The following NPAS2 variants were observed in gnomAD, a reference collection of about 807,000 sequenced individuals.
NPAS2 encodes neuronal PAS domain protein 2, also known as neuronal PAS domain-containing protein 2.
A neutral mutation model predicts 107.5 loss-of-function variants in NPAS2; 23 were observed. The ratio of observed to expected loss-of-function variants is 0.21; its 90% CI spans 0.15 to 0.30. The LOEUF is 0.30. Ranked by LOEUF, NPAS2 falls within the 10% of genes least tolerant of loss-of-function variation. The probability of loss-of-function intolerance (pLI) is 1.00; values close to 1 mark genes in which losing one functional copy is unlikely to be tolerated. For missense variants in NPAS2, 756 were observed against 1,043.3 expected, an observed-to-expected ratio of 0.72 and a Z score of 3.79; for synonymous variants, 403 against 417.5, an observed-to-expected ratio of 0.97 and a Z score of 0.42.
Position 100,995,909 on chromosome 2 carries a change from AC to A in NPAS2, c.*329del. The A allele has an allele frequency of 7.0e-7, 1 of 1,431,774 alleles. No homozygotes were observed. Among genetic ancestry groups the A allele is most frequent in the South Asian group, 1.2e-5 (1 of 82,182 alleles). The allele number at this position is 1,431,774 out of a possible 1,614,324, so 88.7% of individuals were successfully genotyped here. ...ATCTCGCTGCATCCCCCGAGAGTAC[AC>A]CGGTTGCTCTAGCCACCTGCGGCCC... On this transcript the variant is annotated 3_prime_UTR_variant, in exon 21 of 21. Transcript: ENST00000335681.
chr2:100,949,531 G>A (rs1371343452), intron 7 of NPAS2, 51 bp downstream of exon 7: 7 of 1,044,328 alleles, frequency 6.7e-6, no homozygotes, highest in African/African-American at 1.6e-5. Context: ...TCATGCAAAC[G>A]TGCACATGGG....
chr2:100,901,965 A>G (rs1681813135), intron 1 of NPAS2, among the ~76,000 whole-genome samples: 1 of 151,696 alleles, frequency 6.6e-6, no homozygotes, highest in African/African-American at 2.4e-5. Flanking sequence ...TCCATTGTTC[A>G]CTCTGGGGGT....
At chr2:100,977,073 C>T (rs911610575) in intron 14 of NPAS2, 4 of 152,248 alleles carry the variant, frequency 2.6e-5, no homozygotes, top group Admixed American at 6.5e-5. Context: ...ACCACTAGCC[C>T]GTGAAGCAGA....
intron 3 of NPAS2, 45 bp downstream of exon 3, chr2:100,925,339 C>A: frequency 3.1e-6 from 5 of 1,594,334 alleles, no homozygotes; most frequent in Non-Finnish European, 4.3e-6. Flanking sequence ...CCTGCCCCGT[C>A]CATGTGGTGA....
At chr2:100,874,663 AC>A (rs1338562749) in intron 1 of NPAS2, among the ~76,000 whole-genome samples, 1 of 151,828 alleles carries the variant, frequency 6.6e-6, no homozygotes, top group Non-Finnish European at 1.5e-5. Flanking sequence ...AACCACTTGA[AC>A]CCGGGAGGCG....
At chr2:100,873,196 G>A (rs1329615793) in intron 1 of NPAS2, among the ~76,000 whole-genome samples, 2 of 142,522 alleles carry the variant, frequency 1.4e-5, no homozygotes, top group Non-Finnish European at 3.0e-5. Context: ...AGGTTGCAGC[G>A]AGCCAAGACT....
chr2:100,903,777 C>T (rs565881877), intron 1 of NPAS2, among the ~76,000 whole-genome samples: 53 of 152,136 alleles, frequency 3.5e-4, no homozygotes, highest in African/African-American at 1.0e-3. Flanking sequence ...TCATGAGTGC[C>T]CTGAGAACGG....
rs78079344 is a variant in NPAS2, at chr2:100,893,301, A to G, written c.-22-11432A>G. Reference sequence around the variant, plus strand: ...CTGGCTGGGAGGACAGAAGGTACACACTCTGTCAGCAATAAATAAACCCCC... The same window carrying G: ...CTGGCTGGGAGGACAGAAGGTACACGCTCTGTCAGCAATAAATAAACCCCC... On this transcript the variant is annotated intron_variant, in intron 1 of 20. Coordinates refer to ENST00000335681, the MANE Select transcript of NPAS2 (RefSeq NM_002518.4). Among the ~76,000 whole-genome samples, 938 of 152,218 alleles carry G rather than the reference A, an allele frequency of 6.2e-3. 56 individuals are homozygous for G. The East Asian group carries it at 0.14, about 23-fold the overall frequency.
intron 1 of NPAS2, among the ~76,000 whole-genome samples, chr2:100,902,406 G>A (rs1481760572): frequency 6.6e-6 from 1 of 152,220 alleles, no homozygotes; most frequent in Admixed American, 6.5e-5. Context: ...AGGAAGGAGA[G>A]TGTGACCCAT....
chr2:100,903,621 C>T (rs1021142246), intron 1 of NPAS2, among the ~76,000 whole-genome samples: 1 of 152,188 alleles, frequency 6.6e-6, no homozygotes, highest in African/African-American at 2.4e-5. Context: ...TTGGGAGTTC[C>T]GACTGAAGAC....
rs780297955 is a variant in NPAS2, at chr2:100,990,390, C to A, written c.1962C>A (p.Ser654=). 1.2e-6 allele frequency: 2 copies of A among 1,614,196 alleles called. No homozygotes were observed. ...ATCTGACCACACCTGCTTCCACCTC[C>A]CAGGATGCCAGCCAGTGCCAGCCCA... ...SLNLTTPAST[S]QDASQCQPSP... is the part of the protein sequence containing the mutation. The change falls in exon 18 of 21, where the codon TCC becomes TCA. Residue 654 remains serine (S), a synonymous_variant. Transcript: ENST00000335681.
chr2:100,948,202 G>C (rs772002786), intron 5 of NPAS2, 33 bp from the exon 6 acceptor site: 1 of 1,607,586 alleles, frequency 6.2e-7, no homozygotes, highest in Non-Finnish European at 8.5e-7. Flanking sequence ...TCTTCGTTGA[G>C]GGTGTACCTT....
chr2:100,839,088 A>G (rs1677240443), intron 1 of NPAS2, among the ~76,000 whole-genome samples: 1 of 151,102 alleles, frequency 6.6e-6, no homozygotes, highest in Admixed American at 6.6e-5. Flanking sequence ...TTCTTGGCCT[A>G]CTCTACATGA....
At chr2:100,947,687 T>C (rs927654432) in intron 5 of NPAS2, among the ~76,000 whole-genome samples, 16 of 152,212 alleles carry the variant, frequency 1.1e-4, no homozygotes, top group Non-Finnish European at 2.9e-5. Context: ...CACAGACAGT[T>C]CTATTGGACA....
intron 1 of NPAS2, chr2:100,823,640 C>T (rs1361372735): frequency 6.6e-6 from 1 of 152,218 alleles, no homozygotes; most frequent in Non-Finnish European, 1.5e-5. Context: ...TTGGGATGCA[C>T]TGAATCCAGT....
chr2:100,980,335 T>G (rs1429835835), intron 15 of NPAS2, among the ~76,000 whole-genome samples: 1 of 152,228 alleles, frequency 6.6e-6, no homozygotes, highest in Non-Finnish European at 1.5e-5. Flanking sequence ...GTTAAATACT[T>G]GGAATAGCTC....
intron 12 of NPAS2, among the ~76,000 whole-genome samples, chr2:100,974,419 A>G (rs1279726133): frequency 6.6e-6 from 1 of 152,234 alleles, no homozygotes; most frequent in Non-Finnish European, 1.5e-5. Context: ...CACCTGTCCC[A>G]GTGGATGAGT....
chr2:100,915,017 AG>A (rs1682784783), intron 2 of NPAS2, among the ~76,000 whole-genome samples: 1 of 152,220 alleles, frequency 6.6e-6, no homozygotes, highest in African/African-American at 2.4e-5. Flanking sequence ...CAGGAGCTCT[AG>A]TACTGGCTTA....
At chr2:100,899,867 A>T (rs141503453) in intron 1 of NPAS2, among the ~76,000 whole-genome samples, 1 of 152,134 alleles carries the variant, frequency 6.6e-6, no homozygotes, top group African/African-American at 2.4e-5. Context: ...TAAACAAACT[A>T]TTCTGGAGGG....
Sources: allele counts gnomAD v4.1 joint callset (sites outside exome capture counted in the v4.1 genomes callset), GRCh38; gene constraint gnomAD v4.1.1; transcripts MANE v1.5; gene names NCBI Gene and HGNC (gene_info 2026-07-23, HGNC 2026-07-21).